Variants in GNA14 observed in about 807,000 individuals in gnomAD.
GNA14 encodes G protein subunit alpha 14, also known as guanine nucleotide-binding protein subunit alpha-14.
GNA14 carries 50 observed loss-of-function variants against 42.0 expected under a neutral mutation model. The observed-to-expected ratio is 1.19, with a 90% CI of 0.95 to 1.51. The LOEUF is 1.51. Ranked by LOEUF, GNA14 falls within the 40% of genes most tolerant of loss-of-function variation. GNA14 has a pLI of 0.00. For missense variants in GNA14, 473 were observed against 446.2 expected (o/e 1.06, Z -0.54); for synonymous variants, 173 against 163.1 (o/e 1.06, Z -0.46).
intron 1 of GNA14, among the ~76,000 whole-genome samples, chr9:77,591,503 G>A (rs541401597): frequency 1.3e-5 from 2 of 152,280 alleles, no homozygotes; most frequent in African/African-American, 4.8e-5. Context: ...TCCCTCTCTA[G>A]CTGTATGATC....
chr9:77,572,504 G>A (rs1823075585), intron 1 of GNA14, among the ~76,000 whole-genome samples: 1 of 152,096 alleles, frequency 6.6e-6, no homozygotes, highest in South Asian at 2.1e-4. Flanking sequence ...GGCCCCAAAA[G>A]GTATTTTAGA....
At chr9:77,520,674 T>C (rs576826236) in intron 2 of GNA14, among the ~76,000 whole-genome samples, 1 of 152,340 alleles carries the variant, frequency 6.6e-6, no homozygotes, top group South Asian at 2.1e-4. Flanking sequence ...CAAGAGATTC[T>C]CCTGCCTCAG....
intron 1 of GNA14, among the ~76,000 whole-genome samples, chr9:77,575,868 A>G (rs1313983847): frequency 6.6e-6 from 1 of 152,206 alleles, no homozygotes; most frequent in Non-Finnish European, 1.5e-5. Flanking sequence ...TAACAAGAAG[A>G]CAAGTATAAG....
Position 77,575,968 on chromosome 9 carries a change from G to A in GNA14, c.125-46715C>T, listed in dbSNP as rs1587835576. ...CAAAAAGGGGTTTCAGGAGAAGGGG[G>A]TAGAAGCTGCACCGCTGGTGCTATC... On this transcript the variant is annotated intron_variant, in intron 1 of 6. Coordinates refer to ENST00000341700, the MANE Select transcript of GNA14 (RefSeq NM_004297.4). 2.6e-5 allele frequency among the ~76,000 whole-genome samples: 4 copies of A among 152,312 alleles called. No individual in the cohort carries two copies. In the South Asian group the frequency reaches 8.3e-4, roughly 32 times the overall value.
chr9:77,482,826 C>CT (rs535532939), intron 2 of GNA14, among the ~76,000 whole-genome samples: 171 of 152,278 alleles, frequency 1.1e-3, no homozygotes, highest in African/African-American at 3.8e-3. Flanking sequence ...CACTGATACC[C>CT]TTTTTTCCAA....
intron 2 of GNA14, among the ~76,000 whole-genome samples, chr9:77,461,910 C>T (rs544689612): frequency 2.6e-5 from 4 of 152,270 alleles, no homozygotes; most frequent in Admixed American, 6.5e-5. Context: ...TTATTGTGCA[C>T]TTTAAGAATG....
At chr9:77,460,826 G>A (rs1466958088) in intron 2 of GNA14, among the ~76,000 whole-genome samples, 1 of 152,210 alleles carries the variant, frequency 6.6e-6, no homozygotes, top group Non-Finnish European at 1.5e-5. Flanking sequence ...GGGCGTGGAT[G>A]GAAGAGCAGG....
intron 2 of GNA14, among the ~76,000 whole-genome samples, chr9:77,476,093 AAAC>A (rs543970290): frequency 1.3e-5 from 2 of 152,232 alleles, no homozygotes; most frequent in South Asian, 2.1e-4. Flanking sequence ...ATTGGAATTC[AAAC>A]AACAACAATA....
chr9:77,505,480 G>A (rs1837053021), intron 2 of GNA14, among the ~76,000 whole-genome samples: 1 of 152,118 alleles, frequency 6.6e-6, no homozygotes, highest in Non-Finnish European at 1.5e-5. Context: ...CCATTTCCCT[G>A]CAGACTGGAA....
chr9:77,502,533 G>A (rs922495052), intron 2 of GNA14, among the ~76,000 whole-genome samples: 1 of 152,134 alleles, frequency 6.6e-6, no homozygotes, highest in Non-Finnish European at 1.5e-5. Flanking sequence ...CCTCCCTGCT[G>A]GGAGAGGTAG....
intron 1 of GNA14, among the ~76,000 whole-genome samples, chr9:77,638,599 C>G (rs1160313260): frequency 6.6e-6 from 1 of 152,190 alleles, no homozygotes; most frequent in Non-Finnish European, 1.5e-5. Context: ...GTGAGTTTGG[C>G]TTCAGCCCAG....
rs564722923 is a variant in GNA14 at position 77,572,914 on chromosome 9, A to C, written c.125-43661T>G. Among the ~76,000 whole-genome samples the C allele has an allele frequency of 7.4e-4, 113 of 152,348 alleles. 5 individuals carry two copies. The South Asian group carries it at 0.023, about 31-fold the overall frequency. ...AGATAATATTACAGGTAGATAGCAC[A>C]GGTCAATAGAACTAGCTGATTAGGA... On this transcript the variant is annotated intron_variant, in intron 1 of 6. Transcript: ENST00000341700.
intron 1 of GNA14, among the ~76,000 whole-genome samples, chr9:77,601,266 T>C (rs1823559754): frequency 6.6e-6 from 1 of 152,234 alleles, no homozygotes. Flanking sequence ...TGCCTAACTT[T>C]TCCTGGTCGT....
chr9:77,647,945 C>G lies in GNA14; in HGVS notation c.-152G>C, dbSNP rs754441712. On this transcript the variant is annotated 5_prime_UTR_variant, in exon 1 of 7. Coordinates refer to ENST00000341700, the MANE Select transcript of GNA14 (RefSeq NM_004297.4). ...GAGCTTTGGAGTAAGACGCCTGGAC[C>G]TCCGAGGCTCAATCCCCCTTCGAAA... is the stretch of plus-strand genomic sequence containing the variant. 1.3e-5 allele frequency: 11 copies of G among 838,222 alleles called. No individual in the cohort carries two copies. The highest frequency in any genetic ancestry group is 1.7e-5 in the South Asian group (1 of 58,648). 51.9% of individuals were successfully genotyped at this position (838,222 alleles called of 1,614,324 possible).
intron 2 of GNA14, among the ~76,000 whole-genome samples, chr9:77,485,566 G>T (rs983095681): frequency 1.3e-5 from 2 of 151,976 alleles, no homozygotes; most frequent in African/African-American, 4.8e-5. Context: ...AATTTACTTT[G>T]CCCAGATCAA....
chr9:77,612,489 G>A (rs920885930), intron 1 of GNA14, among the ~76,000 whole-genome samples: 3 of 152,020 alleles, frequency 2.0e-5, no homozygotes, highest in Non-Finnish European at 4.4e-5. Flanking sequence ...CAGGCAAAAC[G>A]TTTAAATAAG....
At chr9:77,438,035 G>A (rs1272299066) in intron 2 of GNA14, among the ~76,000 whole-genome samples, 2 of 152,162 alleles carry the variant, frequency 1.3e-5, no homozygotes, top group Non-Finnish European at 2.9e-5. Flanking sequence ...AAAATGGGGA[G>A]TAGATATAGA....
chr9:77,635,038 GT>G, intron 1 of GNA14, among the ~76,000 whole-genome samples: 1 of 152,148 alleles, frequency 6.6e-6, no homozygotes, highest in South Asian at 2.1e-4. Context: ...ATTTCAATAG[GT>G]TTTTTTGGGG....
chr9:77,493,046 T>TATATATATATATATATATATATA (rs1564030867), intron 2 of GNA14, among the ~76,000 whole-genome samples: 3 of 136,612 alleles, frequency 2.2e-5, no homozygotes, highest in African/African-American at 5.6e-5. Flanking sequence ...TATATATATA[T>TATATATATATATATATATATATA]TTGGGAGATG....
Sources: allele counts gnomAD v4.1 joint callset (sites outside exome capture counted in the v4.1 genomes callset), GRCh38; gene constraint gnomAD v4.1.1; transcripts MANE v1.5; gene names NCBI Gene and HGNC (gene_info 2026-07-23, HGNC 2026-07-21).